Variants in SLIT2 observed in about 807,000 individuals in gnomAD.
SLIT2 encodes the protein slit homolog 2 protein.
A neutral mutation model predicts 185.7 loss-of-function variants in SLIT2; 41 were observed. The observed-to-expected ratio is 0.22, with a 90% CI of 0.17 to 0.29. SLIT2 has a LOEUF of 0.29. Ranked by LOEUF, SLIT2 falls within the 10% of genes least tolerant of loss-of-function variation. The probability of loss-of-function intolerance (pLI) is 1.00; values close to 1 mark genes in which losing one functional copy is unlikely to be tolerated. For missense variants in SLIT2, 1,571 were observed against 1,909.0 expected (o/e 0.82, Z 3.30); for synonymous variants, 693 against 680.2 (o/e 1.02, Z -0.29).
At chr4:20,469,221 G>A (rs1016081368) in intron 5 of SLIT2, among the ~76,000 whole-genome samples, 4 of 152,162 alleles carry the variant, frequency 2.6e-5, no homozygotes, top group African/African-American at 7.2e-5. Context: ...ATTTACTTAA[G>A]TTGCCTTCAC....
rs974734817 is a variant in SLIT2 at position 20,366,796 on chromosome 4, G to T, written c.395+97915G>T. On this transcript the variant is annotated intron_variant, in intron 4 of 36. Coordinates refer to ENST00000504154, the MANE Select transcript of SLIT2 (RefSeq NM_004787.4). Reference sequence around the variant, plus strand: ...AATATTTTAGGGTTTTTTTAGTTTAGTTTATTTTTTTTAATTTTTGAAACA... The same window carrying T: ...AATATTTTAGGGTTTTTTTAGTTTATTTTATTTTTTTTAATTTTTGAAACA... Among the ~76,000 whole-genome samples the T allele has an allele frequency of 9.9e-5, 15 of 151,996 alleles. No homozygotes were observed. The East Asian group carries it at 1.6e-3, about 16-fold the overall frequency.
Position 20,619,558 on chromosome 4 carries a change from G to A in SLIT2, c.*549G>A, listed in dbSNP as rs1004400012. On this transcript the variant is annotated 3_prime_UTR_variant, in exon 37 of 37. Transcript: ENST00000504154. ...GTTCCATTTACGAGAGGAAATGAAAGTGCTAAAATAAATTTTATCTTCCTT... is the reference window on the plus strand; with the variant it reads ...GTTCCATTTACGAGAGGAAATGAAAATGCTAAAATAAATTTTATCTTCCTT... 2.6e-5 allele frequency: 4 copies of A among 152,138 alleles called. No individual in the cohort carries two copies. The highest frequency in any genetic ancestry group is 9.7e-5 in the African/African-American group (4 of 41,420). 9.4% of individuals were successfully genotyped at this position (152,138 alleles called of 1,614,324 possible). A position where few individuals can be genotyped will look rare whatever the true frequency, so the allele number is the denominator to read the frequency against.
chr4:20,377,590 A>G (rs2109333801), intron 4 of SLIT2, among the ~76,000 whole-genome samples: 1 of 152,262 alleles, frequency 6.6e-6, no homozygotes, highest in South Asian at 2.1e-4. Context: ...CCCATCATAA[A>G]CTTACTCAGC....
intron 14 of SLIT2, among the ~76,000 whole-genome samples, chr4:20,524,757 A>G (rs755512192): frequency 1.3e-5 from 2 of 152,224 alleles, no homozygotes; most frequent in Non-Finnish European, 2.9e-5. Context: ...ATTTATTTGT[A>G]AAAAGCTAAA....
intron 9 of SLIT2, among the ~76,000 whole-genome samples, chr4:20,501,413 G>A (rs1207228448): frequency 1.3e-5 from 2 of 152,098 alleles, no homozygotes; most frequent in Non-Finnish European, 2.9e-5. Context: ...AGCCTCCCAT[G>A]TAGCTGGGAC....
chr4:20,521,466 A>C (rs1311762080), intron 12 of SLIT2, among the ~76,000 whole-genome samples: 1 of 152,244 alleles, frequency 6.6e-6, no homozygotes, highest in South Asian at 2.1e-4. Context: ...AGTTAAAGTG[A>C]GTACAAACTG....
intron 9 of SLIT2, among the ~76,000 whole-genome samples, chr4:20,505,009 A>G (rs1160195335): frequency 5.3e-5 from 8 of 152,074 alleles, no homozygotes; most frequent in Admixed American, 5.3e-4. Flanking sequence ...GGGTCTTGGA[A>G]TGCATCCCCT....
At chr4:20,469,152 A>G (rs563476161) in intron 5 of SLIT2, among the ~76,000 whole-genome samples, 4 of 152,168 alleles carry the variant, frequency 2.6e-5, no homozygotes, top group Non-Finnish European at 2.9e-5. Context: ...GGTAGACTCA[A>G]TGATACACAG....
At chr4:20,264,893 C>T (rs1034498901) in intron 3 of SLIT2, among the ~76,000 whole-genome samples, 4 of 151,904 alleles carry the variant, frequency 2.6e-5, no homozygotes, top group African/African-American at 7.2e-5. Context: ...GGGCAGATTC[C>T]ATTGAGGGGT....
chr4:20,518,152 C>T (rs1421814611), intron 11 of SLIT2, among the ~76,000 whole-genome samples: 2 of 140,050 alleles, frequency 1.4e-5, no homozygotes, highest in South Asian at 4.3e-4. Context: ...TATATATATA[C>T]ATATACATAC....
chr4:20,607,895 T>C (rs1414882633), intron 33 of SLIT2, among the ~76,000 whole-genome samples: 1 of 152,150 alleles, frequency 6.6e-6, no homozygotes, highest in Non-Finnish European at 1.5e-5. Context: ...AATTCACTTC[T>C]ACTCTCTCCA....
chr4:20,481,099 TAAA>T (rs34462059), intron 6 of SLIT2, among the ~76,000 whole-genome samples: 4 of 150,976 alleles, frequency 2.6e-5, no homozygotes, highest in African/African-American at 4.9e-5. Context: ...AAAAATAACA[TAAA>T]AAAAAACCTC....
chr4:20,270,006 T>C (rs1288598408), intron 4 of SLIT2, among the ~76,000 whole-genome samples: 1 of 151,970 alleles, frequency 6.6e-6, no homozygotes, highest in Non-Finnish European at 1.5e-5. Flanking sequence ...TAAAATCACC[T>C]GACATTTTTC....
Position 20,413,375 on chromosome 4 carries a change from C to T in SLIT2, c.396-54377C>T, listed in dbSNP as rs1041163341. On this transcript the variant is annotated intron_variant, in intron 4 of 36. Transcript: ENST00000504154. ...AATTCTTTTAAATTGAGACTTGTTC[C>T]GGAGATGTTCCAGGTGCATATGGAA... is the stretch of plus-strand genomic sequence containing the variant. Among the ~76,000 whole-genome samples, 7 of 151,794 alleles carry T rather than the reference C, an allele frequency of 4.6e-5. No homozygotes were observed. In the South Asian group the frequency reaches 6.2e-4, roughly 14 times the overall value.
At chr4:20,330,141 G>A (rs1477448157) in intron 4 of SLIT2, among the ~76,000 whole-genome samples, 2 of 151,870 alleles carry the variant, frequency 1.3e-5, no homozygotes, top group African/African-American at 2.4e-5. Flanking sequence ...AGTGTTGATT[G>A]TGCAAATCTA....
At position 20,533,675 on chromosome 4, in the gene SLIT2, C is replaced by A. The variant is rs1722005084; in HGVS notation, c.1792C>A (p.Gln598Lys). ...LLTSNRLENV[Q>K]HKMFKGLESL... ...TACGAGTAATCGTTTGGAAAATGTG[C>A]AGCATAAGATGTTCAAGGGATTGGA... Residue 598 changes from glutamine to lysine, a missense_variant, in exon 18 of 37, where the codon CAG (glutamine) becomes AAG (lysine). Gln to Lys is a moderately conservative substitution (Grantham distance 53). Transcript: ENST00000504154. 2 of 1,613,422 alleles carry A rather than the reference C, an allele frequency of 1.2e-6. No homozygotes were observed. Among genetic ancestry groups the A allele is most frequent in the African/African-American group, 2.7e-5 (2 of 74,862 alleles).
intron 31 of SLIT2, 23 bp from the exon 32 acceptor site, chr4:20,596,392 T>C (rs370285073): frequency 1.2e-6 from 2 of 1,606,886 alleles, no homozygotes; most frequent in Non-Finnish European, 1.7e-6. Flanking sequence ...ATTAACTAAT[T>C]TTTTTTTCTC....
intron 4 of SLIT2, among the ~76,000 whole-genome samples, chr4:20,370,121 G>A (rs1312534410): frequency 1.3e-5 from 2 of 152,008 alleles, no homozygotes; most frequent in African/African-American, 4.8e-5. Flanking sequence ...CAGGTGATTT[G>A]TGATCTGATA....
intron 4 of SLIT2, among the ~76,000 whole-genome samples, chr4:20,345,089 T>G (rs1721276581): frequency 1.3e-5 from 2 of 152,204 alleles, no homozygotes; most frequent in African/African-American, 4.8e-5. Context: ...AATATTTTTG[T>G]GAAATAATAC....
Sources: gnomAD v4.1 joint callset for allele counts (sites outside exome capture counted in the v4.1 genomes callset) on GRCh38, gnomAD v4.1.1 for gene constraint, MANE v1.5 for transcripts, NCBI Gene and HGNC (gene_info 2026-07-23, HGNC 2026-07-21) for gene names.